MGAT4C: variants seen among roughly 807,000 people sequenced by gnomAD.
MGAT4C encodes alpha-1,3-mannosyl-glycoprotein 4-beta-N-acetylglucosaminyltransferase C.
A neutral mutation model predicts 40.1 loss-of-function variants in MGAT4C; 19 were observed. That is an observed-to-expected ratio of 0.47 (90% confidence interval 0.33 to 0.70). The LOEUF is 0.70. Ranked by LOEUF, MGAT4C falls within the 30% of genes least tolerant of loss-of-function variation. The pLI is 0.02. For missense variants in MGAT4C, 491 were observed against 563.2 expected, an observed-to-expected ratio of 0.87 and a Z score of 1.30; for synonymous variants, 181 against 187.1, an observed-to-expected ratio of 0.97 and a Z score of 0.27.
intron 1 of MGAT4C, among the ~76,000 whole-genome samples, chr12:86,828,813 TAGAG>T (rs1051918190): frequency 1.3e-5 from 2 of 151,288 alleles, no homozygotes; most frequent in Admixed American, 6.6e-5. Flanking sequence ...AAAGCAAAGA[TAGAG>T]AGAAAAAAAG....
intron 4 of MGAT4C, among the ~76,000 whole-genome samples, chr12:86,303,034 T>G (rs890386719): frequency 1.3e-5 from 2 of 150,806 alleles, no homozygotes; most frequent in African/African-American, 5.0e-5. Flanking sequence ...ACTTCAACTA[T>G]TTTTCTCCCT....
chr12:86,247,996 C>T (rs1952104466), intron 1 of MGAT4C, among the ~76,000 whole-genome samples: 1 of 152,106 alleles, frequency 6.6e-6, no homozygotes, highest in Admixed American at 6.6e-5. Flanking sequence ...TTTTAATAGT[C>T]TAGATGTAGT....
intron 1 of MGAT4C, among the ~76,000 whole-genome samples, chr12:86,143,283 A>G (rs547456408): frequency 2.5e-4 from 38 of 152,328 alleles, no homozygotes; most frequent in African/African-American, 8.9e-4. Flanking sequence ...AATCATCTCC[A>G]ATGAGATACA....
intron 1 of MGAT4C, among the ~76,000 whole-genome samples, chr12:86,055,945 C>CAT (rs1453624507): frequency 6.6e-6 from 1 of 152,064 alleles, no homozygotes; most frequent in African/African-American, 2.4e-5. Context: ...ACAAGTGGAG[C>CAT]ATATATTCAT....
chr12:86,041,889 C>T lies in MGAT4C; in HGVS notation c.-7+7785G>A, dbSNP rs113541415. Among the ~76,000 whole-genome samples, 539 of 152,274 alleles carry T rather than the reference C, an allele frequency of 3.5e-3. 4 individuals are homozygous for T. Among genetic ancestry groups the T allele is most frequent in the African/African-American group, 0.012 (516 of 41,552 alleles). On this transcript the variant is annotated intron_variant, in intron 2 of 4. Transcript: ENST00000611864. ...TTCGTTAGTTTTCTGCTTCGATGAT[C>T]TCCCTAATGTGCTCTGTGGGGCGTT...
intron 3 of MGAT4C, among the ~76,000 whole-genome samples, chr12:86,395,946 G>T (rs1956252931): frequency 6.6e-6 from 1 of 152,010 alleles, no homozygotes; most frequent in Admixed American, 6.6e-5. Flanking sequence ...CATTTTCTAA[G>T]CTGGATATTT....
intron 1 of MGAT4C, among the ~76,000 whole-genome samples, chr12:86,081,850 T>C (rs1297782068): frequency 3.3e-5 from 5 of 152,190 alleles, no homozygotes; most frequent in Non-Finnish European, 5.9e-5. Flanking sequence ...TGACAGGCTG[T>C]GGGTCCTGTC....
At chr12:86,380,905 T>G (rs10858421) in intron 3 of MGAT4C, among the ~76,000 whole-genome samples, 135,555 of 152,190 alleles carry the variant, frequency 0.89, 60,582 homozygotes, top group East Asian at 1. Context: ...TAAAAGACAT[T>G]TATTTCCTCT....
chr12:86,281,735 A>T (rs2136118818), intron 4 of MGAT4C, among the ~76,000 whole-genome samples: 1 of 152,174 alleles, frequency 6.6e-6, no homozygotes, highest in Non-Finnish European at 1.5e-5. Context: ...TTAACCCAGC[A>T]AACCTGATTC....
At chr12:86,515,598 C>T (rs1044577560) in intron 2 of MGAT4C, among the ~76,000 whole-genome samples, 3 of 151,936 alleles carry the variant, frequency 2.0e-5, no homozygotes, top group South Asian at 4.2e-4. Context: ...GAAATAACTA[C>T]GCAAAACCTG....
intron 1 of MGAT4C, among the ~76,000 whole-genome samples, chr12:86,829,174 ATAG>A (rs1434732603): frequency 6.6e-6 from 1 of 151,634 alleles, no homozygotes; most frequent in Non-Finnish European, 1.5e-5. Flanking sequence ...ATAATACACA[ATAG>A]TAGATTTAAA....
At chr12:86,354,588 C>T (rs1955264514) in intron 3 of MGAT4C, among the ~76,000 whole-genome samples, 1 of 151,860 alleles carries the variant, frequency 6.6e-6, no homozygotes, top group East Asian at 1.9e-4. Flanking sequence ...AATTAAAATG[C>T]TATAAATAAA....
chr12:86,512,788 T>C (rs1216671316), intron 2 of MGAT4C, among the ~76,000 whole-genome samples: 1 of 151,934 alleles, frequency 6.6e-6, no homozygotes, highest in African/African-American at 2.4e-5. Flanking sequence ...GAGAGGAATA[T>C]AGGGAGTTTC....
At chr12:86,588,357 C>G (rs1283965075) in intron 2 of MGAT4C, among the ~76,000 whole-genome samples, 1 of 151,934 alleles carries the variant, frequency 6.6e-6, no homozygotes, top group African/African-American at 2.4e-5. Context: ...AGCTAACTAT[C>G]CTAAATATAT....
At chr12:86,764,220 C>A (rs1054658317) in intron 1 of MGAT4C, among the ~76,000 whole-genome samples, 61 of 152,186 alleles carry the variant, frequency 4.0e-4, no homozygotes, top group Admixed American at 7.9e-4. Flanking sequence ...TATCCCGCAC[C>A]TGGCTTGGAG....
chr12:86,772,899 C>T (rs2136170628), intron 1 of MGAT4C, among the ~76,000 whole-genome samples: 1 of 152,234 alleles, frequency 6.6e-6, no homozygotes, highest in South Asian at 2.1e-4. Context: ...CCTGGAGTCT[C>T]ACCCACACGT....
intron 1 of MGAT4C, among the ~76,000 whole-genome samples, chr12:86,243,535 A>G (rs764279790): frequency 6.6e-6 from 1 of 152,216 alleles, no homozygotes; most frequent in Non-Finnish European, 1.5e-5. Context: ...TAGCAGACTT[A>G]AACAAGAGAT....
At chr12:86,246,850 T>A (rs559227782) in intron 1 of MGAT4C, among the ~76,000 whole-genome samples, 2 of 152,332 alleles carry the variant, frequency 1.3e-5, no homozygotes, top group African/African-American at 4.8e-5. Flanking sequence ...TCAAACTACT[T>A]TCTTTAAGGC....
intron 1 of MGAT4C, among the ~76,000 whole-genome samples, chr12:86,102,462 T>C (rs888756426): frequency 2.6e-5 from 4 of 152,018 alleles, no homozygotes; most frequent in Non-Finnish European, 5.9e-5. Flanking sequence ...TGAGAAATTT[T>C]CAAAGCAACT....
Sources: allele counts gnomAD v4.1 joint callset (sites outside exome capture counted in the v4.1 genomes callset), GRCh38; gene constraint gnomAD v4.1.1; transcripts MANE v1.5; gene names NCBI Gene and HGNC (gene_info 2026-07-23, HGNC 2026-07-21).